Variants in QTMAN observed in about 807,000 individuals in gnomAD.
QTMAN encodes the protein queuosine-tRNA mannosyltransferase, also known as tRNA-queuosine alpha-mannosyltransferase.
chr2:144,137,513 C>T, the QTMAN span, among the ~76,000 whole-genome samples: 1 of 152,072 alleles, frequency 6.6e-6, no homozygotes, highest in African/African-American at 2.4e-5. Flanking sequence ...CAATTTGATG[C>T]TGCTAATCTG....
At chr2:144,126,099 T>C in the QTMAN span, among the ~76,000 whole-genome samples, 1 of 151,982 alleles carries the variant, frequency 6.6e-6, no homozygotes, top group Non-Finnish European at 1.5e-5. Flanking sequence ...CATAATTTTT[T>C]ACTATAGATT....
At chr2:144,126,277 T>A in the QTMAN span, among the ~76,000 whole-genome samples, 1 of 151,570 alleles carries the variant, frequency 6.6e-6, no homozygotes, top group Non-Finnish European at 1.5e-5. Flanking sequence ...TAGAATAACT[T>A]GTGAACTTAA....
chr2:143,954,227 A>G, the QTMAN span, among the ~76,000 whole-genome samples: 1 of 152,064 alleles, frequency 6.6e-6, no homozygotes. Flanking sequence ...CTCTTTATGG[A>G]CCAAAAGAAA....
At chr2:144,090,851 TC>T in the QTMAN span, among the ~76,000 whole-genome samples, 1 of 151,954 alleles carries the variant, frequency 6.6e-6, no homozygotes, top group Non-Finnish European at 1.5e-5. Context: ...ACAACCTTAT[TC>T]TAAAATTCAG....
chr2:144,082,403 C>T, the QTMAN span, among the ~76,000 whole-genome samples: 12 of 152,204 alleles, frequency 7.9e-5, no homozygotes, highest in South Asian at 8.3e-4. Context: ...ACTAACACTG[C>T]CATTAGGTAA....
chr2:144,179,176 G>A, the QTMAN span, among the ~76,000 whole-genome samples: 1 of 152,232 alleles, frequency 6.6e-6, no homozygotes, highest in Middle Eastern at 3.4e-3. Flanking sequence ...GAGTACTTGT[G>A]TAATTTCTGA....
At chr2:144,028,987 T>C in the QTMAN span, among the ~76,000 whole-genome samples, 1 of 152,182 alleles carries the variant, frequency 6.6e-6, no homozygotes, top group Non-Finnish European at 1.5e-5. Flanking sequence ...AGTAGCAAAA[T>C]ACCTTTAGAA....
At chr2:144,115,690 T>A in the QTMAN span, among the ~76,000 whole-genome samples, 1 of 152,196 alleles carries the variant, frequency 6.6e-6, no homozygotes, top group African/African-American at 2.4e-5. Flanking sequence ...ATGGGACCAA[T>A]AATTTCTTAC....
chr2:144,197,408 T>A, the QTMAN span, among the ~76,000 whole-genome samples: 34 of 152,176 alleles, frequency 2.2e-4, no homozygotes, highest in East Asian at 5.8e-3. Flanking sequence ...TACATTAGAT[T>A]TTTAAAGAAA....
chr2:144,265,072 T>C, the QTMAN span, among the ~76,000 whole-genome samples: 1 of 152,210 alleles, frequency 6.6e-6, no homozygotes, highest in Non-Finnish European at 1.5e-5. Context: ...GTATTTCTCA[T>C]TGGAAATTAA....
the QTMAN span, among the ~76,000 whole-genome samples, chr2:144,136,143 T>C: frequency 1.3e-5 from 2 of 151,748 alleles, no homozygotes; most frequent in South Asian, 2.1e-4. Context: ...CTGGGCAACA[T>C]GGTGAAACGC....
At chr2:144,105,202 C>A in the QTMAN span, among the ~76,000 whole-genome samples, 1 of 152,128 alleles carries the variant, frequency 6.6e-6, no homozygotes, top group Non-Finnish European at 1.5e-5. Context: ...GAGCGCCTCT[C>A]CCCCTCCAAA....
At chr2:144,067,599 G>A in the QTMAN span, among the ~76,000 whole-genome samples, 40 of 152,334 alleles carry the variant, frequency 2.6e-4, no homozygotes, top group African/African-American at 9.4e-4. Flanking sequence ...ATAGCCAGGA[G>A]CCAGGCAGAG....
chr2:144,109,921 G>T, the QTMAN span, among the ~76,000 whole-genome samples: 1 of 152,182 alleles, frequency 6.6e-6, no homozygotes, highest in African/African-American at 2.4e-5. Flanking sequence ...GGAGAAATAG[G>T]AACACTTTTA....
chr2:144,086,110 A>G, the QTMAN span, among the ~76,000 whole-genome samples: 2 of 152,118 alleles, frequency 1.3e-5, no homozygotes, highest in Non-Finnish European at 2.9e-5. Context: ...ATGCAAGTTT[A>G]TTGGTTTTCT....
At chr2:144,165,340 C>T in the QTMAN span, among the ~76,000 whole-genome samples, 1 of 151,738 alleles carries the variant, frequency 6.6e-6, no homozygotes, top group East Asian at 1.9e-4. Context: ...ACTGCACTCT[C>T]GCTCCGGGTG....
the QTMAN span, among the ~76,000 whole-genome samples, chr2:144,156,630 G>A: frequency 1.3e-5 from 2 of 151,942 alleles, no homozygotes. Context: ...ATCAAATGGA[G>A]TAAAACAAAA....
At chr2:143,995,248 C>T in the QTMAN span, among the ~76,000 whole-genome samples, 6 of 152,048 alleles carry the variant, frequency 3.9e-5, no homozygotes, top group Admixed American at 2.0e-4. Flanking sequence ...TTTTTCTGTA[C>T]AGTATGTACT....
the QTMAN span, among the ~76,000 whole-genome samples, chr2:144,322,724 A>T: frequency 6.6e-6 from 1 of 152,202 alleles, no homozygotes; most frequent in African/African-American, 2.4e-5. Flanking sequence ...GAGTTTCTTA[A>T]GGGTTAGTCG....
Sources: gnomAD v4.1 joint callset for allele counts (sites outside exome capture counted in the v4.1 genomes callset) on GRCh38, gnomAD v4.1.1 for gene constraint, MANE v1.5 for transcripts, NCBI Gene and HGNC (gene_info 2026-07-23, HGNC 2026-07-21) for gene names.